ARHGAP6: variants seen among roughly 807,000 people sequenced by gnomAD.
ARHGAP6 encodes the protein rho GTPase-activating protein 6.
In ARHGAP6, 16 loss-of-function variants were observed where a neutral mutation model predicts 55.7. The observed-to-expected ratio is 0.29, with a 90% CI of 0.19 to 0.44. The LOEUF is 0.44. Ranked by LOEUF, ARHGAP6 falls within the 20% of genes least tolerant of loss-of-function variation. The pLI, the probability that ARHGAP6 is intolerant of heterozygous loss-of-function variation, is 1.00. For synonymous variants in ARHGAP6, 382 were observed against 360.9 expected (o/e 1.06, Z -0.66); for missense variants, 698 against 808.9 (o/e 0.86, Z 1.66).
chrX:11,208,962 G>A (rs1263494756), intron 2 of ARHGAP6, among the ~76,000 whole-genome samples: 1 of 112,128 alleles, frequency 8.9e-6, no homozygotes, highest in Non-Finnish European at 1.9e-5. Flanking sequence ...TGTTGATTGT[G>A]TAAATTCTGT....
intron 1 of ARHGAP6, among the ~76,000 whole-genome samples, chrX:11,584,588 C>T (rs1229809091): frequency 9.0e-6 from 1 of 111,562 alleles, no homozygotes; most frequent in African/African-American, 3.3e-5. Flanking sequence ...TCTGTGATAC[C>T]CCACACAGTA....
chrX:11,149,857 T>C (rs999492981), intron 10 of ARHGAP6, among the ~76,000 whole-genome samples: 2 of 112,003 alleles, frequency 1.8e-5, no homozygotes. Flanking sequence ...TATTTTTCAG[T>C]ACTGAAATTT....
intron 6 of ARHGAP6, among the ~76,000 whole-genome samples, chrX:11,181,763 G>C (rs973559965): frequency 2.7e-5 from 3 of 112,147 alleles, no homozygotes; most frequent in Non-Finnish European, 5.6e-5. Flanking sequence ...TTATTGATCA[G>C]TCACTCTGAA....
intron 1 of ARHGAP6, among the ~76,000 whole-genome samples, chrX:11,508,424 A>T (rs11797928): frequency 0.065 from 7,265 of 111,336 alleles, 250 homozygotes; most frequent in Non-Finnish European, 0.1. Context: ...AGCAGCCTGT[A>T]TTTTACCTGG....
intron 1 of ARHGAP6, among the ~76,000 whole-genome samples, chrX:11,610,595 A>G (rs1220418759): frequency 1.8e-5 from 2 of 112,352 alleles, no homozygotes; most frequent in Non-Finnish European, 3.8e-5. Flanking sequence ...GTAAATATAT[A>G]CACAAAGAAA....
chrX:11,478,991 C>G (rs757949162), intron 1 of ARHGAP6, among the ~76,000 whole-genome samples: 1 of 112,081 alleles, frequency 8.9e-6, no homozygotes, highest in Non-Finnish European at 1.9e-5. Flanking sequence ...CAGAAATACT[C>G]ATGCATGCAA....
intron 1 of ARHGAP6, among the ~76,000 whole-genome samples, chrX:11,491,675 T>C (rs1468255675): frequency 2.7e-5 from 3 of 111,722 alleles, no homozygotes; most frequent in Non-Finnish European, 5.6e-5. Flanking sequence ...AATAAACATA[T>C]GTGTGCATGT....
At chrX:11,382,824 A>G (rs935089846) in intron 1 of ARHGAP6, among the ~76,000 whole-genome samples, 1 of 112,244 alleles carries the variant, frequency 8.9e-6, no homozygotes, top group African/African-American at 3.2e-5. Flanking sequence ...CAACAAAATT[A>G]CAAATGAAAA....
intron 1 of ARHGAP6, among the ~76,000 whole-genome samples, chrX:11,508,992 C>T (rs1487301760): frequency 9.0e-6 from 1 of 111,070 alleles, no homozygotes; most frequent in Non-Finnish European, 1.9e-5. Flanking sequence ...ATAGTGATAA[C>T]CTTGATATTG....
chrX:11,587,235 G>A (rs970742106), intron 1 of ARHGAP6, among the ~76,000 whole-genome samples: 1 of 111,513 alleles, frequency 9.0e-6, no homozygotes, highest in Admixed American at 9.6e-5. Flanking sequence ...GAGAGAGGGC[G>A]TCCTTGTCTT....
At chrX:11,492,934 C>G (rs2050585581) in intron 1 of ARHGAP6, among the ~76,000 whole-genome samples, 1 of 111,658 alleles carries the variant, frequency 9.0e-6, no homozygotes, top group African/African-American at 3.3e-5. Flanking sequence ...CTCAGTTTCA[C>G]TCCTTACCAC....
At chrX:11,554,831 G>C (rs1235010696) in intron 1 of ARHGAP6, among the ~76,000 whole-genome samples, 1 of 112,051 alleles carries the variant, frequency 8.9e-6, no homozygotes, top group African/African-American at 3.2e-5. Context: ...CAGTGAAAAA[G>C]TACAGTTTGA....
chrX:11,662,627 C>T (rs984637542), intron 1 of ARHGAP6, among the ~76,000 whole-genome samples: 3 of 112,395 alleles, frequency 2.7e-5, no homozygotes, highest in Non-Finnish European at 5.6e-5. Flanking sequence ...AGATAATTTG[C>T]AACAAGTGAA....
At chrX:11,233,336 A>G (rs1209690632) in intron 2 of ARHGAP6, among the ~76,000 whole-genome samples, 2 of 111,649 alleles carry the variant, frequency 1.8e-5, no homozygotes, top group Non-Finnish European at 3.8e-5. Flanking sequence ...CAACAATTGC[A>G]CTGATGTCCT....
intron 1 of ARHGAP6, among the ~76,000 whole-genome samples, chrX:11,482,657 C>T (rs2050468156): frequency 9.0e-6 from 1 of 111,537 alleles, no homozygotes; most frequent in Non-Finnish European, 1.9e-5. Context: ...TGGGGCTCAG[C>T]TCATATCCCC....
At chrX:11,314,586 C>T (rs1362547417) in intron 1 of ARHGAP6, among the ~76,000 whole-genome samples, 1 of 112,305 alleles carries the variant, frequency 8.9e-6, no homozygotes, top group African/African-American at 3.2e-5. Flanking sequence ...GGATAATGGC[C>T]TCCACCTCCA....
At chrX:11,248,455 G>A (rs2047380310) in intron 2 of ARHGAP6, among the ~76,000 whole-genome samples, 1 of 111,825 alleles carries the variant, frequency 8.9e-6, no homozygotes, top group South Asian at 3.7e-4. Context: ...CACACCAAAA[G>A]GAAAAGTCAG....
chrX:11,462,920 G>A (rs772262026), intron 1 of ARHGAP6, among the ~76,000 whole-genome samples: 19 of 112,643 alleles, frequency 1.7e-4, no homozygotes, highest in East Asian at 1.1e-3. Flanking sequence ...AGGTAGTGGC[G>A]AGACCCTTGA....
chrX:11,207,380 T>C (rs886731595), intron 2 of ARHGAP6, among the ~76,000 whole-genome samples: 16 of 111,831 alleles, frequency 1.4e-4, no homozygotes, highest in Admixed American at 1.9e-4. Context: ...CCATGAAACT[T>C]GGTGTGCTCT....
Sources: gnomAD v4.1 joint callset for allele counts (sites outside exome capture counted in the v4.1 genomes callset) on GRCh38, gnomAD v4.1.1 for gene constraint, MANE v1.5 for transcripts, NCBI Gene and HGNC (gene_info 2026-07-23, HGNC 2026-07-21) for gene names.